Variants in SPATA31F3 observed in about 807,000 individuals in gnomAD.
The protein encoded by SPATA31F3 is protein SPATA31F3.
chr9:34,894,843 G>A, the SPATA31F3 span, among the ~76,000 whole-genome samples: 1 of 152,286 alleles, frequency 6.6e-6, no homozygotes, highest in East Asian at 1.9e-4. Flanking sequence ...AGGAGGATAA[G>A]ATAGAGAATT....
chr9:34,890,296 C>T, the SPATA31F3 span, among the ~76,000 whole-genome samples: 1 of 152,210 alleles, frequency 6.6e-6, no homozygotes, highest in Non-Finnish European at 1.5e-5. Context: ...TTTCCAGCTG[C>T]TTTGAATGTC....
At chr9:34,890,302 A>T in the SPATA31F3 span, among the ~76,000 whole-genome samples, 1 of 152,132 alleles carries the variant, frequency 6.6e-6, no homozygotes, top group Admixed American at 6.5e-5. Flanking sequence ...GCTGCTTTGA[A>T]TGTCATCAAA....
the SPATA31F3 span, chr9:34,889,122 T>C: frequency 2.5e-6 from 1 of 398,636 alleles, no homozygotes; most frequent in East Asian, 3.6e-5. Flanking sequence ...TGCATGTTAA[T>C]GGAAATGGCA....
At chr9:34,894,390 T>A in the SPATA31F3 span, 1 of 398,518 alleles carries the variant, frequency 2.5e-6, no homozygotes, top group East Asian at 3.6e-5. Context: ...AGCTGAGAAA[T>A]GATCACAGAC....
chr9:34,894,253 C>G, the SPATA31F3 span, among the ~76,000 whole-genome samples: 1 of 152,116 alleles, frequency 6.6e-6, no homozygotes, highest in South Asian at 2.1e-4. Context: ...AATTGGGTGA[C>G]CCTTCCCTCC....
chr9:34,893,247 T>C, the SPATA31F3 span: 7 of 438,464 alleles, frequency 1.6e-5, no homozygotes, highest in Non-Finnish European at 2.8e-5. Flanking sequence ...TTCCCAGTCC[T>C]GAAAATCCTG....
chr9:34,890,669 C>T, the SPATA31F3 span, among the ~76,000 whole-genome samples: 12 of 152,208 alleles, frequency 7.9e-5, no homozygotes. Context: ...CTTTAGACTC[C>T]TAAAGGATCC....
the SPATA31F3 span, among the ~76,000 whole-genome samples, chr9:34,892,036 GTTTTGGAGA>G: frequency 6.6e-6 from 1 of 152,182 alleles, no homozygotes; most frequent in East Asian, 1.9e-4. Flanking sequence ...AGCCTCCCCT[GTTTTGGAGA>G]TTTCTAAAGT....
At chr9:34,892,555 C>T in the SPATA31F3 span, 1 of 419,680 alleles carries the variant, frequency 2.4e-6, no homozygotes. Flanking sequence ...TTGGACATTG[C>T]AATAGCAGTT....
At chr9:34,892,562 A>G in the SPATA31F3 span, 1 of 420,812 alleles carries the variant, frequency 2.4e-6, no homozygotes, top group Non-Finnish European at 4.2e-6. Context: ...TTGCAATAGC[A>G]GTTGGAAAGG....
chr9:34,895,231 A>AC, the SPATA31F3 span: 6 of 395,722 alleles, frequency 1.5e-5, no homozygotes, highest in African/African-American at 2.1e-5. Context: ...ATTCTTTTTC[A>AC]CCCCAAGAGT....
chr9:34,889,922 T>C, the SPATA31F3 span, among the ~76,000 whole-genome samples: 1 of 152,216 alleles, frequency 6.6e-6, no homozygotes, highest in South Asian at 2.1e-4. Flanking sequence ...GATGAGGTTA[T>C]TCGGCTTACT....
the SPATA31F3 span, among the ~76,000 whole-genome samples, chr9:34,894,280 G>GT: frequency 2.0e-5 from 3 of 152,052 alleles, no homozygotes; most frequent in African/African-American, 7.2e-5. Context: ...GTCTGGCCCA[G>GT]CCCCCCTGCC....
At chr9:34,892,088 G>A in the SPATA31F3 span, among the ~76,000 whole-genome samples, 1 of 152,318 alleles carries the variant, frequency 6.6e-6, no homozygotes, top group Non-Finnish European at 1.5e-5. Flanking sequence ...AGACAGTAAT[G>A]TGCAGAAAAG....
chr9:34,889,740 C>T, the SPATA31F3 span: 2 of 397,304 alleles, frequency 5.0e-6, no homozygotes, highest in Non-Finnish European at 4.4e-6. Context: ...CAAATTTTGC[C>T]CTGTAAAACA....
the SPATA31F3 span, chr9:34,889,243 T>C: frequency 1.8e-5 from 7 of 398,576 alleles, no homozygotes; most frequent in Non-Finnish European, 3.1e-5. Context: ...GAGTTAGACC[T>C]GGGATAGATT....
the SPATA31F3 span, among the ~76,000 whole-genome samples, chr9:34,891,245 C>G: frequency 6.6e-6 from 1 of 152,168 alleles, no homozygotes. Flanking sequence ...TGTGTCACTT[C>G]CAGGTCCAGG....
the SPATA31F3 span, chr9:34,895,489 A>G: frequency 2.5e-6 from 1 of 398,116 alleles, no homozygotes; most frequent in African/African-American, 2.1e-5. Context: ...CCCCTTTAAA[A>G]AGCAAGGGCT....
At chr9:34,894,988 G>C in the SPATA31F3 span, 1 of 398,302 alleles carries the variant, frequency 2.5e-6, no homozygotes, top group Non-Finnish European at 4.4e-6. Context: ...CAGGATCCGT[G>C]GGAACCTCAC....
Sources: allele counts gnomAD v4.1 joint callset (sites outside exome capture counted in the v4.1 genomes callset), GRCh38; gene constraint gnomAD v4.1.1; transcripts MANE v1.5; gene names NCBI Gene and HGNC (gene_info 2026-07-23, HGNC 2026-07-21).